SGCZ: variants seen among roughly 807,000 people sequenced by gnomAD.
The protein encoded by SGCZ is zeta-sarcoglycan.
SGCZ carries 40 observed loss-of-function variants against 41.3 expected under a neutral mutation model. The observed-to-expected ratio is 0.97, with a 90% confidence interval of 0.75 to 1.26. SGCZ has a LOEUF of 1.26. Among genes scored for constraint, SGCZ ranks in the 50% most tolerant of loss-of-function variants. The probability of loss-of-function intolerance (pLI) is 0.00; values close to 1 mark genes in which losing one functional copy is unlikely to be tolerated. For synonymous variants in SGCZ, 206 were observed against 137.5 expected, an observed-to-expected ratio of 1.50 and a Z score of -3.49; for missense variants, 552 against 369.8, an observed-to-expected ratio of 1.49 and a Z score of -4.04.
intron 1 of SGCZ, among the ~76,000 whole-genome samples, chr8:14,937,462 C>G (rs1419889626): frequency 6.6e-6 from 1 of 151,924 alleles, no homozygotes; most frequent in Admixed American, 6.6e-5. Flanking sequence ...GATTCCAATG[C>G]CTTCATAAGA....
intron 1 of SGCZ, among the ~76,000 whole-genome samples, chr8:14,871,029 G>A (rs1311663471): frequency 6.6e-6 from 1 of 152,048 alleles, no homozygotes; most frequent in Non-Finnish European, 1.5e-5. Flanking sequence ...CCAACACAGA[G>A]AAACCTCATG....
intron 1 of SGCZ, among the ~76,000 whole-genome samples, chr8:14,896,018 A>G (rs918558953): frequency 7.9e-5 from 12 of 152,198 alleles, no homozygotes; most frequent in Non-Finnish European, 1.5e-4. Context: ...CCTCAGTCCA[A>G]TCTCTACTTA....
intron 2 of SGCZ, among the ~76,000 whole-genome samples, chr8:14,350,408 C>T (rs1803046336): frequency 6.6e-6 from 1 of 152,058 alleles, no homozygotes; most frequent in Non-Finnish European, 1.5e-5. Context: ...GTATTGAATA[C>T]TATGGTATGT....
chr8:14,896,783 T>G (rs189324966), intron 1 of SGCZ, among the ~76,000 whole-genome samples: 5 of 146,526 alleles, frequency 3.4e-5, no homozygotes, highest in Admixed American at 3.4e-4. Flanking sequence ...GGCTGACTTT[T>G]TTTTTCTTTT....
intron 4 of SGCZ, among the ~76,000 whole-genome samples, chr8:14,190,588 A>C (rs1189282705): frequency 6.6e-6 from 1 of 151,718 alleles, no homozygotes; most frequent in East Asian, 2.0e-4. Context: ...GATGACATAT[A>C]AATCTTCTCT....
intron 1 of SGCZ, among the ~76,000 whole-genome samples, chr8:14,784,913 A>AAATATATATATATATATAT (rs1408574493): frequency 2.3e-5 from 2 of 88,022 alleles, no homozygotes; most frequent in African/African-American, 9.4e-5. Flanking sequence ...AAAAAAAAAA[A>AAATATATATATATATATAT]ATATATATAT....
chr8:14,191,542 T>C (rs1032364185), intron 4 of SGCZ, among the ~76,000 whole-genome samples: 3 of 152,178 alleles, frequency 2.0e-5, no homozygotes, highest in Admixed American at 6.5e-5. Context: ...TTTTATTCTT[T>C]GGTATGTATC....
chr8:14,898,097 A>G (rs1805267504), intron 1 of SGCZ, among the ~76,000 whole-genome samples: 1 of 151,108 alleles, frequency 6.6e-6, no homozygotes, highest in Non-Finnish European at 1.5e-5. Flanking sequence ...AACTTTTATT[A>G]TAAACTTAAA....
chr8:14,366,026 T>C (rs559851879), intron 2 of SGCZ, among the ~76,000 whole-genome samples: 1 of 152,270 alleles, frequency 6.6e-6, no homozygotes, highest in East Asian at 1.9e-4. Context: ...TGAAATTTGA[T>C]AAACTTTGTA....
intron 1 of SGCZ, among the ~76,000 whole-genome samples, chr8:15,113,491 A>C (rs1807150489): frequency 1.3e-5 from 2 of 152,068 alleles, no homozygotes; most frequent in South Asian, 4.1e-4. Flanking sequence ...GCTTCCTCTC[A>C]ATAACTAACT....
rs1395567257 is a variant in SGCZ, at chr8:14,771,761, G to T, written c.40-216835C>A. On this transcript the variant is annotated intron_variant, in intron 1 of 7. Coordinates refer to ENST00000382080, the MANE Select transcript of SGCZ (RefSeq NM_139167.4). ...ATGTTTCACATTCCATTTATTTTGG[G>T]GGGTAAGACTGTCAGTATTTCAACC... Among the ~76,000 whole-genome samples, 3 of 151,976 alleles carry T rather than the reference G, an allele frequency of 2.0e-5. No homozygotes were observed. The East Asian group carries it at 5.8e-4, about 29-fold the overall frequency.
intron 1 of SGCZ, among the ~76,000 whole-genome samples, chr8:15,164,417 G>C (rs1034588588): frequency 1.3e-5 from 2 of 152,040 alleles, no homozygotes; most frequent in Non-Finnish European, 2.9e-5. Context: ...GACAGGACTG[G>C]GACGCATGGT....
chr8:14,404,321 C>G (rs917277545), intron 2 of SGCZ, among the ~76,000 whole-genome samples: 1 of 151,978 alleles, frequency 6.6e-6, no homozygotes, highest in Non-Finnish European at 1.5e-5. Flanking sequence ...TTAATAAATG[C>G]CATGAATGTC....
At chr8:14,246,909 C>CAAAAA (rs5889525) in intron 3 of SGCZ, among the ~76,000 whole-genome samples, 6 of 84,346 alleles carry the variant, frequency 7.1e-5, no homozygotes, top group African/African-American at 9.2e-5. Context: ...GACTCCATCT[C>CAAAAA]AAAAAAAAAA....
At chr8:14,950,336 T>C (rs1800592891) in intron 1 of SGCZ, among the ~76,000 whole-genome samples, 1 of 151,918 alleles carries the variant, frequency 6.6e-6, no homozygotes, top group South Asian at 2.1e-4. Flanking sequence ...TCTTTGTCCC[T>C]CATTTCCTTC....
At chr8:14,416,065 C>A (rs1451809355) in intron 2 of SGCZ, among the ~76,000 whole-genome samples, 6 of 151,878 alleles carry the variant, frequency 4.0e-5, no homozygotes, top group Admixed American at 3.9e-4. Context: ...TATTCAAATG[C>A]TACTTGAGGA....
At chr8:14,154,519 T>C (rs1803818437) in intron 5 of SGCZ, among the ~76,000 whole-genome samples, 1 of 152,200 alleles carries the variant, frequency 6.6e-6, no homozygotes, top group Admixed American at 6.5e-5. Context: ...ATGTTACCCG[T>C]GGTTTATTAA....
chr8:14,442,661 C>A (rs1800305922), intron 2 of SGCZ, among the ~76,000 whole-genome samples: 1 of 152,116 alleles, frequency 6.6e-6, no homozygotes, highest in South Asian at 2.1e-4. Context: ...TAATCCAACC[C>A]AGTGATCTCA....
intron 1 of SGCZ, among the ~76,000 whole-genome samples, chr8:14,993,501 T>C (rs909234965): frequency 6.6e-6 from 1 of 151,814 alleles, no homozygotes; most frequent in Non-Finnish European, 1.5e-5. Flanking sequence ...AGATGATGAG[T>C]GCTATGAAGA....
Sources: gnomAD v4.1 joint callset for allele counts (sites outside exome capture counted in the v4.1 genomes callset) on GRCh38, gnomAD v4.1.1 for gene constraint, MANE v1.5 for transcripts, NCBI Gene and HGNC (gene_info 2026-07-23, HGNC 2026-07-21) for gene names.